The following RGS5 variants were observed in gnomAD, a reference collection of about 807,000 sequenced individuals.
RGS5 encodes regulator of G-protein signalling 5.
In RGS5, 20 loss-of-function variants were observed where a neutral mutation model predicts 18.9. That is an observed-to-expected ratio of 1.06 (90% CI 0.74 to 1.54). The LOEUF (loss-of-function observed/expected upper bound fraction) is 1.54. Ranked by LOEUF, RGS5 falls within the 40% of genes most tolerant of loss-of-function variation. The pLI is 0.00. For synonymous variants in RGS5, 57 were observed against 76.2 expected (o/e 0.75, Z 1.31); for missense variants, 201 against 211.8 (o/e 0.95, Z 0.32).
intron 1 of RGS5, among the ~76,000 whole-genome samples, chr1:163,181,137 C>G (rs1658827042): frequency 1.3e-5 from 2 of 152,114 alleles, no homozygotes; most frequent in Non-Finnish European, 2.9e-5. Context: ...TTTGAGGATT[C>G]ACATCTCTGG....
At chr1:163,291,680 G>C (rs943539925) in intron 2 of RGS5, among the ~76,000 whole-genome samples, 5 of 152,096 alleles carry the variant, frequency 3.3e-5, no homozygotes, top group Non-Finnish European at 5.9e-5. Flanking sequence ...GCCCCACCCA[G>C]AAGTGGCTCA....
chr1:163,202,946 G>A, upstream of RGS5: 1 of 985,942 alleles, frequency 1.0e-6, no homozygotes, highest in Non-Finnish European at 1.5e-6. Flanking sequence ...GGTATATATA[G>A]AAGCTCTTTC....
upstream of RGS5, among the ~76,000 whole-genome samples, chr1:163,206,179 A>T (rs1255424607): frequency 6.6e-6 from 1 of 152,152 alleles, no homozygotes; most frequent in Non-Finnish European, 1.5e-5. Context: ...AATGGATAAA[A>T]CTAAAGTCCC....
intron 2 of RGS5, among the ~76,000 whole-genome samples, chr1:163,242,908 G>C (rs971150451): frequency 3.9e-5 from 6 of 152,184 alleles, no homozygotes; most frequent in Non-Finnish European, 2.9e-5. Flanking sequence ...GTGGGGAAGA[G>C]AGAATAAAAG....
At chr1:163,274,354 A>AGAGCTTCTACGGCAATAAGATACAGG (rs1217229629) in intron 2 of RGS5, among the ~76,000 whole-genome samples, 4 of 152,196 alleles carry the variant, frequency 2.6e-5, no homozygotes, top group Non-Finnish European at 1.5e-5. Flanking sequence ...TAAGATACAG[A>AGAGCTTCTACGGCAATAAGATACAGG]GAGCTTCTAC....
chr1:163,251,353 C>A lies in RGS5; in HGVS notation c.-281+54880G>T, dbSNP rs976435852. Among the ~76,000 whole-genome samples, 8 of 152,022 alleles carry A rather than the reference C, an allele frequency of 5.3e-5. 1 individual carries two copies. The South Asian group carries it at 8.3e-4, about 16-fold the overall frequency. On this transcript the variant is annotated intron_variant, in intron 2 of 5. Coordinates refer to the RGS5 transcript ENST00000618415. Reference sequence around the variant, plus strand: ...TCAAAGAAGAGAAGATATATTTAGACCTTTTTAAAATTTTTTAAAGTAATA... The same window carrying A: ...TCAAAGAAGAGAAGATATATTTAGAACTTTTTAAAATTTTTTAAAGTAATA...
intron 1 of RGS5, among the ~76,000 whole-genome samples, chr1:163,186,734 A>G (rs10753606): frequency 0.46 from 69,375 of 151,948 alleles, 16,541 homozygotes; most frequent in East Asian, 0.72. Context: ...CAAACTCACA[A>G]CTATGTGACC....
chr1:163,217,553 C>G (rs1660245713), exon 1 of RGS5: 2 of 1,546,598 alleles, frequency 1.3e-6, no homozygotes, highest in East Asian at 4.9e-5. Context: ...CACTGTGCAT[C>G]TGTAAGATGA....
At chr1:163,292,930 T>C (rs963865964) in intron 2 of RGS5, among the ~76,000 whole-genome samples, 1 of 152,224 alleles carries the variant, frequency 6.6e-6, no homozygotes, top group African/African-American at 2.4e-5. Context: ...CTTTGTCGAA[T>C]GGATAGATTG....
chr1:163,229,101 C>G (rs1647405375), intron 2 of RGS5, among the ~76,000 whole-genome samples: 1 of 152,166 alleles, frequency 6.6e-6, no homozygotes, highest in African/African-American at 2.4e-5. Context: ...CAGCAGTGCC[C>G]CATTCTATGG....
At chr1:163,280,949 C>G (rs1343007646) in intron 2 of RGS5, among the ~76,000 whole-genome samples, 1 of 152,052 alleles carries the variant, frequency 6.6e-6, no homozygotes, top group African/African-American at 2.4e-5. Context: ...GTTCTGCATC[C>G]CCACCCAAAT....
In RGS5 at chr1:163,145,328, G is replaced by A. The variant is rs1195324997; in HGVS notation, c.*2014C>T. ...AAATTGTTTCTTCAAATGTTTTAGC[G>A]TTTATGAAAAAATAATGCACCAAGA... On this transcript the variant is annotated 3_prime_UTR_variant, in exon 5 of 5. Transcript: ENST00000313961. 5.3e-5 allele frequency: 8 copies of A among 152,044 alleles called. No individual in the cohort carries two copies. Among genetic ancestry groups the A allele is most frequent in the African/African-American group, 1.2e-4 (5 of 41,400 alleles). 9.4% of individuals were successfully genotyped at this position (152,044 alleles called of 1,614,324 possible).
At chr1:163,240,411 G>A (rs1161435942) in intron 2 of RGS5, among the ~76,000 whole-genome samples, 3 of 151,588 alleles carry the variant, frequency 2.0e-5, no homozygotes, top group African/African-American at 7.3e-5. Context: ...AGAATGGGTG[G>A]AACTAATTCA....
Position 163,144,626 on chromosome 1 carries a change from G to A in RGS5, c.*2716C>T, listed in dbSNP as rs912225546. ...TGCTTTCCCAGACATTTACTCAAGG[G>A]AACGTGGAGAGGAGGAGGAGGAGGG... On this transcript the variant is annotated 3_prime_UTR_variant, in exon 5 of 5. Transcript: ENST00000313961. 21 of 152,624 alleles carry A rather than the reference G, an allele frequency of 1.4e-4. No individual in the cohort carries two copies. The highest frequency in any genetic ancestry group is 5.1e-4 in the African/African-American group (21 of 41,440). 9.5% of individuals were successfully genotyped at this position (152,624 alleles called of 1,614,324 possible).
At chr1:163,286,669 C>T (rs1447542170) in intron 2 of RGS5, among the ~76,000 whole-genome samples, 1 of 151,764 alleles carries the variant, frequency 6.6e-6, no homozygotes, top group Non-Finnish European at 1.5e-5. Context: ...ATGCTTCTTC[C>T]CTGACTTTCT....
chr1:163,170,553 G>A (rs897868851), intron 1 of RGS5, among the ~76,000 whole-genome samples: 8 of 152,062 alleles, frequency 5.3e-5, no homozygotes, highest in African/African-American at 1.9e-4. Context: ...CCTAAGATTT[G>A]CAGTTACGGA....
In RGS5 at chr1:163,145,225, C is replaced by A. The variant is rs1460679138; in HGVS notation, c.*2117G>T. On this transcript the variant is annotated 3_prime_UTR_variant, in exon 5 of 5. Coordinates refer to ENST00000313961, the MANE Select transcript of RGS5 (RefSeq NM_003617.4). ...ACCCTCTAGGTGAGATCTGTAATAG[C>A]TAGTTAATTATCTGGGAATTTTTAA... 1 of 152,026 alleles carries A rather than the reference C, an allele frequency of 6.6e-6. No homozygotes were observed. Among genetic ancestry groups the A allele is most frequent in the African/African-American group, 2.4e-5 (1 of 41,386 alleles). 9.4% of individuals were successfully genotyped at this position (152,026 alleles called of 1,614,324 possible).
intron 2 of RGS5, among the ~76,000 whole-genome samples, chr1:163,239,723 C>A (rs1252654519): frequency 1.3e-5 from 2 of 152,128 alleles, no homozygotes; most frequent in Non-Finnish European, 2.9e-5. Context: ...CTGAAATTCA[C>A]CTCCTCTTGA....
intron 2 of RGS5, among the ~76,000 whole-genome samples, chr1:163,287,561 T>C (rs940572435): frequency 3.9e-5 from 6 of 152,240 alleles, no homozygotes; most frequent in African/African-American, 1.4e-4. Flanking sequence ...TTGGATTGTA[T>C]GTTACAACTG....
Sources: gnomAD v4.1 joint callset for allele counts (sites outside exome capture counted in the v4.1 genomes callset) on GRCh38, gnomAD v4.1.1 for gene constraint, MANE v1.5 for transcripts, NCBI Gene and HGNC (gene_info 2026-07-23, HGNC 2026-07-21) for gene names.